Variants in SNPH observed in about 807,000 individuals in gnomAD.
SNPH encodes syntaphilin.
In SNPH, 10 loss-of-function variants were observed where a neutral mutation model predicts 36.8. That is an observed-to-expected ratio of 0.27 (90% CI 0.17 to 0.46). SNPH has a LOEUF of 0.46. Among genes scored for constraint, SNPH ranks in the 20% least tolerant of loss-of-function variants. The pLI is 1.00. For synonymous variants in SNPH, 281 were observed against 312.2 expected (o/e 0.90, Z 1.05); for missense variants, 622 against 744.0 (o/e 0.84, Z 1.91).
chr20:1,289,512 TACACACACACACACACACACACAC>T (rs56289024), intron 2 of SNPH, among the ~76,000 whole-genome samples: 3 of 137,648 alleles, frequency 2.2e-5, no homozygotes, highest in Non-Finnish European at 4.7e-5. Context: ...TTCATTTAAA[TACACACACACACACACACACACAC>T]ACACACACAC....
chr20:1,269,977 G>A (rs1043508331), intron 2 of SNPH, among the ~76,000 whole-genome samples: 11 of 152,228 alleles, frequency 7.2e-5, no homozygotes, highest in African/African-American at 2.7e-4. Flanking sequence ...AAAATGTTTA[G>A]CTGGAAGTGC....
chr20:1,301,189 A>C (rs916972833), intron 6 of SNPH, among the ~76,000 whole-genome samples: 1 of 152,132 alleles, frequency 6.6e-6, no homozygotes. Context: ...GAAGCCATCT[A>C]CTTCCTGCTG....
chr20:1,266,721 G>T lies in SNPH; in HGVS notation c.-532G>T. The stretch of plus-strand genomic sequence containing the variant: ...GCGCTGCGCCAAGCCGGGCCGGAGT[G>T]GTGCGAGCCGGCGGGGCTGCGGAGG... On this transcript the variant is annotated 5_prime_UTR_variant, in exon 2 of 7. Transcript: ENST00000381867. This position sits in a 1 kb window ranked among gnomAD's most constrained non-coding sequence, Gnocchi z 6.0. The T allele has an allele frequency of 7.1e-7, 1 of 1,411,022 alleles. No homozygotes were observed. Among genetic ancestry groups the T allele is most frequent in the Non-Finnish European group, 9.2e-7 (1 of 1,086,856 alleles). The allele number at this position is 1,411,022 out of a possible 1,614,324, so 87.4% of individuals were successfully genotyped here. A position where few individuals can be genotyped will look rare whatever the true frequency, so the allele number is the denominator to read the frequency against.
At chr20:1,281,704 G>A (rs1568541896) in intron 2 of SNPH, among the ~76,000 whole-genome samples, 1 of 152,236 alleles carries the variant, frequency 6.6e-6, no homozygotes, top group Non-Finnish European at 1.5e-5. Context: ...TCTGAGTTCT[G>A]CAGAGAAGCC....
chr20:1,291,141 G>T (rs1033480004), intron 2 of SNPH, among the ~76,000 whole-genome samples: 3 of 152,194 alleles, frequency 2.0e-5, no homozygotes, highest in African/African-American at 4.8e-5. Flanking sequence ...TCTAATCACT[G>T]GAGACACATC....
chr20:1,303,868 G>A (rs910214848), intron 6 of SNPH, among the ~76,000 whole-genome samples: 3 of 152,112 alleles, frequency 2.0e-5, no homozygotes, highest in Non-Finnish European at 4.4e-5. Context: ...GGCTCATGTG[G>A]GCTGCCACTA....
Position 1,305,806 on chromosome 20 carries a change from G to T in SNPH, c.1369G>T (p.Ala457Ser). Residue 457 changes from alanine (A) to serine (S), a missense_variant, in exon 7 of 7, where the codon GCT (alanine) becomes TCT (serine). This residue lies in a region of SNPH where 379 missense variants were observed against 427.9 expected (regional missense o/e 0.89). Transcript: ENST00000381867. ...PMEEEEEAAV[A>S]EKEPKSYWSR... ...GGAAGAGGAGGAGGAGGCTGCCGTG[G>T]CTGAGAAGGAGCCCAAGAGCTACTG... 6.3e-7 allele frequency: 1 copy of T among 1,593,478 alleles called. No homozygotes were observed. The highest frequency in any genetic ancestry group is 8.5e-7 in the Non-Finnish European group (1 of 1,170,234).
intron 2 of SNPH, among the ~76,000 whole-genome samples, chr20:1,269,468 C>G (rs999530925): frequency 6.6e-6 from 1 of 152,136 alleles, no homozygotes; most frequent in Non-Finnish European, 1.5e-5. Context: ...GAACTGCTAT[C>G]CGACACCAGG....
At chr20:1,288,550 C>T (rs1470778225) in intron 2 of SNPH, among the ~76,000 whole-genome samples, 2 of 151,430 alleles carry the variant, frequency 1.3e-5, no homozygotes, top group East Asian at 1.9e-4. Flanking sequence ...CCTTTGCCTG[C>T]GAGGCTGATT....
intron 2 of SNPH, among the ~76,000 whole-genome samples, chr20:1,280,486 G>A (rs2088203803): frequency 6.6e-6 from 1 of 152,252 alleles, no homozygotes; most frequent in African/African-American, 2.4e-5. Flanking sequence ...TGCAAAGGAG[G>A]TGTGTGGGAA....
intron 2 of SNPH, among the ~76,000 whole-genome samples, chr20:1,284,178 A>T (rs1437712059): frequency 6.6e-6 from 1 of 152,208 alleles, no homozygotes; most frequent in Non-Finnish European, 1.5e-5. Flanking sequence ...CCAGCTCATA[A>T]CCTAGCAGGA....
chr20:1,294,574 C>T lies in SNPH; in HGVS notation c.-492-377C>T, dbSNP rs767023709. On this transcript the variant is annotated intron_variant, in intron 2 of 6. Transcript: ENST00000381867. The surrounding 1 kb of genome is among the most constrained non-coding windows in gnomAD (Gnocchi z 4.4). ...GAAGCTCAGGTGACAGGTGTGGTGTCGGCAGGTCCTGCAGCCCAGCACCCG... is the reference window on the plus strand; with the variant it reads ...GAAGCTCAGGTGACAGGTGTGGTGTTGGCAGGTCCTGCAGCCCAGCACCCG... 3.9e-5 allele frequency among the ~76,000 whole-genome samples: 6 copies of T among 152,288 alleles called. No individual in the cohort carries two copies. Among genetic ancestry groups the T allele is most frequent in the Non-Finnish European group, 8.8e-5 (6 of 68,020 alleles).
rs1258620795 is a variant in SNPH, at chr20:1,296,207, G to C, written c.-33G>C. The C allele has an allele frequency of 1.4e-5, 21 of 1,489,916 alleles. No homozygotes were observed. The highest frequency in any genetic ancestry group is 2.1e-4 in the Middle Eastern group (1 of 4,744). The allele number at this position is 1,489,916 out of a possible 1,614,324, so 92.3% of individuals were successfully genotyped here. On this transcript the variant is annotated 5_prime_UTR_variant, in exon 4 of 7. Transcript: ENST00000381867. Reference sequence around the variant, plus strand: ...CGTGGTCTGCCAGGCCCTCGCTCCTGGGGTGTCCTGCCGAAGGGTGAGAAG... The same window carrying C: ...CGTGGTCTGCCAGGCCCTCGCTCCTCGGGTGTCCTGCCGAAGGGTGAGAAG...
At position 1,304,600 on chromosome 20, in the gene SNPH, G is replaced by A. The variant is rs1281494835; in HGVS notation, c.441-278G>A. On this transcript the variant is annotated intron_variant, in intron 6 of 6. Coordinates refer to ENST00000381867, the MANE Select transcript of SNPH (RefSeq NM_001318234.2). The surrounding 1 kb of genome is among the most constrained non-coding windows in gnomAD (Gnocchi z 4.3). ...GAGTTGTCGGCATTCTGGGGGTGGT[G>A]GGGTGGGGGAGGGAATGCGAGTGGT... is the stretch of plus-strand genomic sequence containing the variant. 1.3e-5 allele frequency among the ~76,000 whole-genome samples: 2 copies of A among 151,918 alleles called. No homozygotes were observed. Among genetic ancestry groups the A allele is most frequent in the East Asian group, 1.9e-4 (1 of 5,182 alleles).
At position 1,295,760 on chromosome 20, in the gene SNPH, C is replaced by G. The variant is rs1468064183; in HGVS notation, c.-464-16C>G. 2 of 159,580 alleles carry G rather than the reference C, an allele frequency of 1.3e-5. No individual in the cohort carries two copies. Among genetic ancestry groups the G allele is most frequent in the African/African-American group, 4.8e-5 (2 of 41,748 alleles). 9.9% of individuals were successfully genotyped at this position (159,580 alleles called of 1,614,324 possible). Reference sequence around the variant, plus strand: ...CACATGTGCTGGTACGTTGGTCTGTCTTGTCTCCCCTGTAGACGGGAAGCC... The same window carrying G: ...CACATGTGCTGGTACGTTGGTCTGTGTTGTCTCCCCTGTAGACGGGAAGCC... On this transcript the variant is annotated splice_polypyrimidine_tract_variant and intron_variant, in intron 3 of 6. Transcript: ENST00000381867.
chr20:1,303,352 G>C (rs2088526725), intron 6 of SNPH, among the ~76,000 whole-genome samples: 1 of 152,242 alleles, frequency 6.6e-6, no homozygotes, highest in Non-Finnish European at 1.5e-5. Context: ...TGGCTCCCTG[G>C]GGTTTGGCTG....
At position 1,295,838 on chromosome 20, in the gene SNPH, A is replaced by C; in HGVS notation, c.-402A>C. On this transcript the variant is annotated 5_prime_UTR_variant, in exon 4 of 7. The change abolishes the stop of an existing upstream ORF in the 5' untranslated region. Transcript: ENST00000381867. ...ATGGTCGGCGAGACCAGCCCATCCT[A>C]ATTTGGGGTTCCTGGTCCTGCTCCA... The C allele has an allele frequency of 1.1e-5, 2 of 179,622 alleles. No homozygotes were observed. 11.1% of individuals were successfully genotyped at this position (179,622 alleles called of 1,614,324 possible). A position where few individuals can be genotyped will look rare whatever the true frequency, so the allele number is the denominator to read the frequency against.
intron 2 of SNPH, among the ~76,000 whole-genome samples, chr20:1,286,738 G>A (rs1004639611): frequency 2.6e-5 from 4 of 152,170 alleles, no homozygotes; most frequent in Non-Finnish European, 4.4e-5. Context: ...CAAGTGACAG[G>A]GAGAGAATGC....
Position 1,266,388 on chromosome 20 carries a change from G to T in SNPH, c.-609G>T. Reference sequence around the variant, plus strand: ...CTGCAGGGCAGCTGAAGCCATGGAAGCCTCCGCAGGTGATGACAAGGACCC... The same window carrying T: ...CTGCAGGGCAGCTGAAGCCATGGAATCCTCCGCAGGTGATGACAAGGACCC... On this transcript the variant is annotated 5_prime_UTR_variant, in exon 1 of 7. Transcript: ENST00000381867. The surrounding 1 kb of genome is among the most constrained non-coding windows in gnomAD (Gnocchi z 6.0). The T allele has an allele frequency of 2.7e-6, 1 of 375,726 alleles. No homozygotes were observed. The highest frequency in any genetic ancestry group is 4.7e-6 in the Non-Finnish European group (1 of 212,112). 23.3% of individuals were successfully genotyped at this position (375,726 alleles called of 1,614,324 possible).
Sources: gnomAD v4.1 joint callset for allele counts (sites outside exome capture counted in the v4.1 genomes callset) on GRCh38, gnomAD v4.1.1 for gene constraint, gnomAD v4.1.1 regional missense constraint, Gnocchi (gnomAD v3.1) non-coding constraint, MANE v1.5 for transcripts, NCBI Gene and HGNC (gene_info 2026-07-23, HGNC 2026-07-21) for gene names.